DENND1A: variants seen among roughly 807,000 people sequenced by gnomAD.
DENND1A encodes the protein DENN domain containing 1A.
Under a neutral mutation model 113.7 loss-of-function variants are expected in DENND1A, and 51 were observed. That is an observed-to-expected ratio of 0.45 (90% CI 0.36 to 0.57). The LOEUF (loss-of-function observed/expected upper bound fraction) is 0.57. Ranked by LOEUF, DENND1A falls within the 20% of genes least tolerant of loss-of-function variation. The pLI, the probability that DENND1A is intolerant of heterozygous loss-of-function variation, is 0.00. For synonymous variants in DENND1A, 565 were observed against 570.8 expected, an observed-to-expected ratio of 0.99 and a Z score of 0.14; for missense variants, 1,258 against 1,395.9, an observed-to-expected ratio of 0.90 and a Z score of 1.57.
intron 5 of DENND1A, among the ~76,000 whole-genome samples, chr9:123,700,508 G>A (rs2065823603): frequency 6.6e-6 from 1 of 152,282 alleles, no homozygotes; most frequent in Admixed American, 6.5e-5. Context: ...TTGCAGTCCT[G>A]AGTCCAAAAT....
At chr9:123,627,479 C>T (rs576802934) in intron 10 of DENND1A, among the ~76,000 whole-genome samples, 4 of 152,214 alleles carry the variant, frequency 2.6e-5, no homozygotes, top group Admixed American at 6.5e-5. Context: ...CGGTGGCTCA[C>T]GTCTGTAATC....
chr9:123,728,052 G>C (rs914011309), intron 5 of DENND1A, among the ~76,000 whole-genome samples: 1 of 151,514 alleles, frequency 6.6e-6, no homozygotes, highest in African/African-American at 2.4e-5. Context: ...CTTGCAGTGA[G>C]CCAAGATCGC....
intron 3 of DENND1A, among the ~76,000 whole-genome samples, chr9:123,773,208 G>A (rs1198078493): frequency 1.3e-5 from 2 of 152,150 alleles, no homozygotes; most frequent in Admixed American, 6.6e-5. Context: ...GCAGCAGATT[G>A]CATAGTGTAA....
chr9:123,925,663 T>C (rs1461209375), intron 1 of DENND1A, among the ~76,000 whole-genome samples: 1 of 152,236 alleles, frequency 6.6e-6, no homozygotes, highest in Non-Finnish European at 1.5e-5. Flanking sequence ...CTAACATTTA[T>C]TGTTTAATAT....
chr9:123,743,158 A>C (rs749717325), intron 5 of DENND1A, among the ~76,000 whole-genome samples: 2 of 152,146 alleles, frequency 1.3e-5, no homozygotes, highest in African/African-American at 2.4e-5. Context: ...TAATCCCAGC[A>C]CTTTGGGAGG....
chr9:123,746,000 C>T (rs975169535), intron 5 of DENND1A, among the ~76,000 whole-genome samples: 1 of 152,156 alleles, frequency 6.6e-6, no homozygotes, highest in Admixed American at 6.5e-5. Context: ...CAAAGCTATA[C>T]TATACTATTT....
At chr9:123,772,103 G>A (rs1279285058) in intron 3 of DENND1A, among the ~76,000 whole-genome samples, 1 of 152,140 alleles carries the variant, frequency 6.6e-6, no homozygotes, top group Non-Finnish European at 1.5e-5. Context: ...AGAAGGGGAG[G>A]ACAGGAAGAG....
chr9:123,444,645 TAAAAC>T (rs753887164), intron 18 of DENND1A, among the ~76,000 whole-genome samples: 1 of 151,942 alleles, frequency 6.6e-6, no homozygotes, highest in African/African-American at 2.4e-5. Flanking sequence ...TCTCAAAAAA[TAAAAC>T]AAAACAAAAT....
intron 2 of DENND1A, among the ~76,000 whole-genome samples, chr9:123,819,396 GC>G (rs879560334): frequency 4.6e-5 from 7 of 152,232 alleles, no homozygotes; most frequent in Non-Finnish European, 8.8e-5. Context: ...TAATGTGATA[GC>G]CCTTGCCACT....
chr9:123,895,911 G>C lies in DENND1A; in HGVS notation c.18-16890C>G, dbSNP rs56749047. Among the ~76,000 whole-genome samples, 1,434 of 152,168 alleles carry C rather than the reference G, an allele frequency of 9.4e-3. 16 individuals carry two copies. The highest frequency in any genetic ancestry group is 0.033 in the African/African-American group (1,351 of 41,502). ...CCATCCACACACATACACATCTCAG[G>C]AACTGTCATAAAAACCACTAGCCTC... On this transcript the variant is annotated intron_variant, in intron 1 of 23. Coordinates refer to ENST00000394215, the MANE Select transcript of DENND1A (RefSeq NM_001352964.2).
intron 12 of DENND1A, among the ~76,000 whole-genome samples, chr9:123,566,358 T>C (rs575010459): frequency 1.8e-4 from 28 of 152,302 alleles, no homozygotes; most frequent in South Asian, 1.0e-3. Context: ...TGGTTCTCCA[T>C]GGGGGAGTGA....
intron 11 of DENND1A, among the ~76,000 whole-genome samples, chr9:123,607,926 G>A (rs757711592): frequency 3.9e-5 from 6 of 152,062 alleles, no homozygotes; most frequent in Admixed American, 6.6e-5. Context: ...CCAAATAGTC[G>A]TTATATTAGT....
chr9:123,563,978 T>C (rs111935760), intron 12 of DENND1A, among the ~76,000 whole-genome samples: 36 of 152,336 alleles, frequency 2.4e-4, no homozygotes, highest in African/African-American at 3.6e-4. Context: ...TATTCCTTTG[T>C]TGATTCCTAA....
At chr9:123,386,030 C>T (rs938389718) in intron 22 of DENND1A, among the ~76,000 whole-genome samples, 5 of 152,110 alleles carry the variant, frequency 3.3e-5, no homozygotes, top group Non-Finnish European at 5.9e-5. Context: ...CGAGCCCTCG[C>T]CGTTATTTAA....
At chr9:123,691,460 G>A (rs942325964) in intron 5 of DENND1A, among the ~76,000 whole-genome samples, 3 of 151,992 alleles carry the variant, frequency 2.0e-5, no homozygotes, top group Non-Finnish European at 2.9e-5. Flanking sequence ...AAATTACAGA[G>A]GCAAAGAAAC....
Position 123,553,406 on chromosome 9 carries a change from C to T in DENND1A, c.993+4164G>A, listed in dbSNP as rs766198788. On this transcript the variant is annotated intron_variant, in intron 13 of 23. Transcript: ENST00000394215. ...ATTTGCCTTTTTAAAAGCCGCCCCC[C>T]CCCCGCTCCTCATCCCTCCGTGATT... Among the ~76,000 whole-genome samples, 14 of 151,096 alleles carry T rather than the reference C, an allele frequency of 9.3e-5. 1 individual carries two copies. The highest frequency in any genetic ancestry group is 3.3e-4 in the Admixed American group (5 of 15,238).
intron 13 of DENND1A, among the ~76,000 whole-genome samples, chr9:123,538,061 C>CA (rs1335610810): frequency 6.6e-6 from 1 of 152,040 alleles, no homozygotes; most frequent in Admixed American, 6.6e-5. Flanking sequence ...CGGAACTAGT[C>CA]AAAAATGGGA....
intron 21 of DENND1A, among the ~76,000 whole-genome samples, chr9:123,390,691 A>G (rs1304195872): frequency 6.6e-6 from 1 of 152,204 alleles, no homozygotes. Flanking sequence ...AGAGGTGACC[A>G]CGTGGCCAAG....
rs567487875 is a variant in DENND1A, at chr9:123,494,519, A to C, written c.994-36622T>G. On this transcript the variant is annotated intron_variant, in intron 13 of 23. Transcript: ENST00000394215. ...TCAAGATTTTCCAGAGCCTCTTAGGAGCCTTGGTCAGGGGTGGCTCAAGGT... is the reference window on the plus strand; with the variant it reads ...TCAAGATTTTCCAGAGCCTCTTAGGCGCCTTGGTCAGGGGTGGCTCAAGGT... Among the ~76,000 whole-genome samples the C allele has an allele frequency of 1.4e-4, 21 of 152,300 alleles. No homozygotes were observed. The South Asian group carries it at 4.4e-3, about 32-fold the overall frequency.
Sources: allele counts gnomAD v4.1 joint callset (sites outside exome capture counted in the v4.1 genomes callset), GRCh38; gene constraint gnomAD v4.1.1; transcripts MANE v1.5; gene names NCBI Gene and HGNC (gene_info 2026-07-23, HGNC 2026-07-21).